The following AFG2A variants were observed in gnomAD, a reference collection of about 807,000 sequenced individuals.
AFG2A encodes the protein ATPase family gene 2 protein homolog A.
At chr4:123,049,075 G>A in the AFG2A span, among the ~76,000 whole-genome samples, 1 of 152,048 alleles carries the variant, frequency 6.6e-6, no homozygotes, top group Non-Finnish European at 1.5e-5. Flanking sequence ...ATCATGAAGG[G>A]ATGTTGAATT....
At chr4:123,014,367 G>C in the AFG2A span, among the ~76,000 whole-genome samples, 6 of 152,114 alleles carry the variant, frequency 3.9e-5, 1 homozygote, top group Admixed American at 3.3e-4. Flanking sequence ...CTTAATTTTT[G>C]TTACTTTTTT....
At chr4:123,259,585 A>T in the AFG2A span, among the ~76,000 whole-genome samples, 1 of 152,166 alleles carries the variant, frequency 6.6e-6, no homozygotes, top group East Asian at 1.9e-4. Flanking sequence ...AGCAGAAGGG[A>T]ATTTCTCTCA....
At chr4:123,007,847 T>C in the AFG2A span, among the ~76,000 whole-genome samples, 1 of 151,868 alleles carries the variant, frequency 6.6e-6, no homozygotes, top group Non-Finnish European at 1.5e-5. Flanking sequence ...CTGTGAACTT[T>C]TTCCAGTCAA....
At chr4:123,050,839 G>A in the AFG2A span, among the ~76,000 whole-genome samples, 2 of 151,706 alleles carry the variant, frequency 1.3e-5, no homozygotes, top group African/African-American at 4.9e-5. Context: ...CTGCCTCCTG[G>A]GTTTAAGCGA....
At chr4:123,139,471 T>G in the AFG2A span, among the ~76,000 whole-genome samples, 1 of 151,960 alleles carries the variant, frequency 6.6e-6, no homozygotes, top group Non-Finnish European at 1.5e-5. Flanking sequence ...CACCAATATT[T>G]GAAGATTAAA....
At chr4:123,159,420 G>A in the AFG2A span, among the ~76,000 whole-genome samples, 1 of 152,108 alleles carries the variant, frequency 6.6e-6, no homozygotes, top group African/African-American at 2.4e-5. Flanking sequence ...CAGTCAAGAG[G>A]CGTTTGATTA....
At chr4:123,055,838 T>C in the AFG2A span, among the ~76,000 whole-genome samples, 1 of 152,250 alleles carries the variant, frequency 6.6e-6, no homozygotes, top group African/African-American at 2.4e-5. Context: ...TCTATCATTA[T>C]GGGACAATTT....
the AFG2A span, among the ~76,000 whole-genome samples, chr4:122,940,033 G>T: frequency 2.6e-5 from 4 of 152,176 alleles, no homozygotes; most frequent in Admixed American, 6.5e-5. Context: ...GTCTGTCATT[G>T]TGGGACATTT....
At chr4:123,275,427 A>G in the AFG2A span, among the ~76,000 whole-genome samples, 1 of 152,106 alleles carries the variant, frequency 6.6e-6, no homozygotes, top group Non-Finnish European at 1.5e-5. Flanking sequence ...GGACAGTCCT[A>G]TGGCAGTCCA....
At chr4:123,311,625 CAAAAAAAAAAAAAAAA>C in the AFG2A span, among the ~76,000 whole-genome samples, 215 of 92,236 alleles carry the variant, frequency 2.3e-3, 2 homozygotes, top group African/African-American at 8.3e-3. Context: ...GACTCTGTCT[CAAAAAAAAAAAAAAAA>C]AAAAAAAAAA....
At chr4:123,289,114 C>T in the AFG2A span, among the ~76,000 whole-genome samples, 1 of 152,042 alleles carries the variant, frequency 6.6e-6, no homozygotes. Flanking sequence ...TACCCATCAC[C>T]CAAATAGTAT....
At chr4:123,242,613 G>C in the AFG2A span, among the ~76,000 whole-genome samples, 1 of 152,164 alleles carries the variant, frequency 6.6e-6, no homozygotes, top group South Asian at 2.1e-4. Context: ...ATGTATTAAA[G>C]ACTTAAATGT....
the AFG2A span, among the ~76,000 whole-genome samples, chr4:123,293,697 C>A: frequency 6.6e-6 from 1 of 152,180 alleles, no homozygotes; most frequent in Non-Finnish European, 1.5e-5. Flanking sequence ...ACTATGCAGA[C>A]AAGGCAGTGC....
At chr4:123,267,372 A>G in the AFG2A span, among the ~76,000 whole-genome samples, 1 of 152,118 alleles carries the variant, frequency 6.6e-6, no homozygotes, top group African/African-American at 2.4e-5. Flanking sequence ...TTACTATTAA[A>G]TTCTGGAAAA....
At chr4:123,222,660 G>A in the AFG2A span, among the ~76,000 whole-genome samples, 1 of 151,988 alleles carries the variant, frequency 6.6e-6, no homozygotes, top group African/African-American at 2.4e-5. Flanking sequence ...TTGCTTCACT[G>A]AAGCATTATG....
chr4:123,230,269 A>T, the AFG2A span, among the ~76,000 whole-genome samples: 2 of 152,038 alleles, frequency 1.3e-5, no homozygotes, highest in Non-Finnish European at 2.9e-5. Context: ...CCACTGCTTT[A>T]TCAACTAAGT....
At chr4:123,291,789 T>A in the AFG2A span, among the ~76,000 whole-genome samples, 1 of 152,240 alleles carries the variant, frequency 6.6e-6, no homozygotes, top group Non-Finnish European at 1.5e-5. Context: ...TTTGTCTCAC[T>A]ACTCTTAGAA....
chr4:122,973,652 T>C, the AFG2A span, among the ~76,000 whole-genome samples: 1 of 152,188 alleles, frequency 6.6e-6, no homozygotes, highest in African/African-American at 2.4e-5. Flanking sequence ...TTGGGTACAT[T>C]AAGTTGTGCT....
the AFG2A span, among the ~76,000 whole-genome samples, chr4:123,304,693 C>T: frequency 6.6e-6 from 1 of 152,308 alleles, no homozygotes; most frequent in Non-Finnish European, 1.5e-5. Flanking sequence ...TAGTACCCTT[C>T]AAATACAAAG....
Sources: allele counts gnomAD v4.1 joint callset (sites outside exome capture counted in the v4.1 genomes callset), GRCh38; gene constraint gnomAD v4.1.1; transcripts MANE v1.5; gene names NCBI Gene and HGNC (gene_info 2026-07-23, HGNC 2026-07-21).